The following NKAIN3 variants were observed in gnomAD, a reference collection of about 807,000 sequenced individuals.
NKAIN3 encodes the protein sodium/potassium-transporting ATPase subunit beta-1-interacting protein 3.
A neutral mutation model predicts 30.2 loss-of-function variants in NKAIN3; 25 were observed. The observed-to-expected ratio is 0.83, with a 90% CI of 0.60 to 1.16. NKAIN3 has a LOEUF of 1.16. Among genes scored for constraint, NKAIN3 ranks in the 50% most tolerant of loss-of-function variants. NKAIN3 has a pLI of 0.00. For missense variants in NKAIN3, 225 were observed against 254.1 expected, an observed-to-expected ratio of 0.89 and a Z score of 0.78; for synonymous variants, 91 against 89.6, an observed-to-expected ratio of 1.02 and a Z score of -0.09.
At chr8:62,938,566 C>T (rs1822856487) in intron 5 of NKAIN3, among the ~76,000 whole-genome samples, 1 of 152,190 alleles carries the variant, frequency 6.6e-6, no homozygotes, top group Admixed American at 6.5e-5. Flanking sequence ...AGACAGTTCA[C>T]ACCATAGGAC....
intron 4 of NKAIN3, among the ~76,000 whole-genome samples, chr8:62,749,679 CTTT>C (rs35908903): frequency 1.0e-5 from 1 of 97,282 alleles, no homozygotes; most frequent in African/African-American, 3.8e-5. Context: ...TTTTTCTTTT[CTTT>C]TTTTTTTTTT....
intron 1 of NKAIN3, among the ~76,000 whole-genome samples, chr8:62,341,495 A>G (rs1405675707): frequency 2.0e-5 from 3 of 152,016 alleles, no homozygotes; most frequent in East Asian, 3.9e-4. Flanking sequence ...TCACATTGCT[A>G]CTTGGTGACT....
intron 3 of NKAIN3, among the ~76,000 whole-genome samples, chr8:62,594,901 T>A (rs1374467006): frequency 4.0e-5 from 6 of 151,768 alleles, no homozygotes; most frequent in Non-Finnish European, 7.4e-5. Context: ...TGGTTAGAGT[T>A]CTTTTCTCAT....
Position 62,449,719 on chromosome 8 carries a change from G to A in NKAIN3, c.55-129820G>A, listed in dbSNP as rs530018459. 9.2e-5 allele frequency among the ~76,000 whole-genome samples: 14 copies of A among 152,134 alleles called. No homozygotes were observed. In the South Asian group the frequency reaches 2.9e-3, roughly 32 times the overall value. On this transcript the variant is annotated intron_variant, in intron 1 of 6. Transcript: ENST00000623646. ...GATTTAGAAAAAGAACAATCCATAAGCGTATTTTTCCCCTTTACTTGTTGA... is the reference window on the plus strand; with the variant it reads ...GATTTAGAAAAAGAACAATCCATAAACGTATTTTTCCCCTTTACTTGTTGA...
chr8:62,851,581 T>A (rs1424996458), intron 4 of NKAIN3, among the ~76,000 whole-genome samples: 1 of 152,196 alleles, frequency 6.6e-6, no homozygotes, highest in Non-Finnish European at 1.5e-5. Flanking sequence ...CAATATGATA[T>A]TGGCTGTGGG....
intron 4 of NKAIN3, among the ~76,000 whole-genome samples, chr8:62,901,586 T>C (rs531961485): frequency 6.6e-6 from 1 of 152,156 alleles, no homozygotes; most frequent in Non-Finnish European, 1.5e-5. Context: ...TTAGGTGTCA[T>C]GCACTCCATC....
At chr8:62,351,146 G>C (rs958867982) in intron 1 of NKAIN3, among the ~76,000 whole-genome samples, 18 of 148,792 alleles carry the variant, frequency 1.2e-4, no homozygotes, top group African/African-American at 4.4e-4. Flanking sequence ...TTATGTAAAT[G>C]TTAGAATAGA....
intron 1 of NKAIN3, among the ~76,000 whole-genome samples, chr8:62,412,909 C>CAAAAA (rs71501599): frequency 8.8e-4 from 86 of 97,796 alleles, no homozygotes; most frequent in East Asian, 2.3e-3. Context: ...GAGACTCCGT[C>CAAAAA]AAAAAAAAAA....
At chr8:62,517,442 A>C (rs970081626) in intron 1 of NKAIN3, among the ~76,000 whole-genome samples, 1 of 152,138 alleles carries the variant, frequency 6.6e-6, no homozygotes, top group Admixed American at 6.6e-5. Context: ...TCCTGTAAAA[A>C]CATTATCTGG....
chr8:62,469,961 G>C (rs964880487), intron 1 of NKAIN3, among the ~76,000 whole-genome samples: 2 of 152,134 alleles, frequency 1.3e-5, no homozygotes, highest in Non-Finnish European at 2.9e-5. Flanking sequence ...TTCTAGCTTT[G>C]AGTTGCACAG....
chr8:62,297,258 A>G (rs1243553116), intron 1 of NKAIN3, among the ~76,000 whole-genome samples: 1 of 152,242 alleles, frequency 6.6e-6, no homozygotes, highest in African/African-American at 2.4e-5. Context: ...GGACATAGGC[A>G]TGGGCAAGCA....
At chr8:62,721,002 A>G (rs1815071045) in intron 3 of NKAIN3, among the ~76,000 whole-genome samples, 1 of 152,230 alleles carries the variant, frequency 6.6e-6, no homozygotes, top group Admixed American at 6.5e-5. Context: ...ACGTAAGAGC[A>G]TATACTGACC....
At position 62,793,515 on chromosome 8, in the gene NKAIN3, G is replaced by A. The variant is rs116937281; in HGVS notation, c.471+46386G>A. Reference sequence around the variant, plus strand: ...CAGCTAATCTTTTTTTTACTAGGCTGTGGGTTACTGGCCAGTTTATGAGCT... The same window carrying A: ...CAGCTAATCTTTTTTTTACTAGGCTATGGGTTACTGGCCAGTTTATGAGCT... On this transcript the variant is annotated intron_variant, in intron 4 of 6. Transcript: ENST00000623646. 2.9e-4 allele frequency among the ~76,000 whole-genome samples: 44 copies of A among 152,230 alleles called. 1 individual carries two copies. In the East Asian group the frequency reaches 7.7e-3, roughly 27 times the overall value.
chr8:62,348,230 C>T (rs925127520), intron 1 of NKAIN3, among the ~76,000 whole-genome samples: 1 of 152,048 alleles, frequency 6.6e-6, no homozygotes, highest in African/African-American at 2.4e-5. Context: ...ATAGTGATCA[C>T]TAGAAAGCCT....
intron 3 of NKAIN3, among the ~76,000 whole-genome samples, chr8:62,726,407 T>G (rs1001557872): frequency 3.3e-5 from 5 of 152,060 alleles, no homozygotes; most frequent in African/African-American, 1.2e-4. Flanking sequence ...TTATCTTCAT[T>G]TAGTATAATA....
chr8:62,513,524 G>A (rs1807877701), intron 1 of NKAIN3, among the ~76,000 whole-genome samples: 1 of 151,982 alleles, frequency 6.6e-6, no homozygotes, highest in Non-Finnish European at 1.5e-5. Context: ...AGATGAGTAG[G>A]CGTTAGTGTG....
chr8:62,434,584 A>G (rs1227808483), intron 1 of NKAIN3, among the ~76,000 whole-genome samples: 1 of 152,122 alleles, frequency 6.6e-6, no homozygotes, highest in Non-Finnish European at 1.5e-5. Flanking sequence ...TCTTCCAAGT[A>G]TCTGTCCCTT....
chr8:62,841,462 C>T (rs748743516), intron 4 of NKAIN3, among the ~76,000 whole-genome samples: 5 of 152,068 alleles, frequency 3.3e-5, no homozygotes, highest in Non-Finnish European at 4.4e-5. Flanking sequence ...TCCACATTCT[C>T]TCACTCCTCC....
At chr8:62,951,545 G>T (rs915459932) in intron 5 of NKAIN3, among the ~76,000 whole-genome samples, 3 of 151,788 alleles carry the variant, frequency 2.0e-5, no homozygotes, top group Non-Finnish European at 4.4e-5. Context: ...CTCTGCCTCT[G>T]CCCTGTGGGC....
Sources: gnomAD v4.1 joint callset for allele counts (sites outside exome capture counted in the v4.1 genomes callset) on GRCh38, gnomAD v4.1.1 for gene constraint, MANE v1.5 for transcripts, NCBI Gene and HGNC (gene_info 2026-07-23, HGNC 2026-07-21) for gene names.